Variants in ARHGAP35 observed in about 807,000 individuals in gnomAD.
The protein encoded by ARHGAP35 is rho GTPase-activating protein 35.
Under a neutral mutation model 111.1 loss-of-function variants are expected in ARHGAP35, and 15 were observed. The ratio of observed to expected loss-of-function variants is 0.13; its 90% CI spans 0.09 to 0.21. The LOEUF (loss-of-function observed/expected upper bound fraction) is 0.21. Among genes scored for constraint, ARHGAP35 ranks in the 10% least tolerant of loss-of-function variants. The pLI is 1.00. For missense variants in ARHGAP35, 1,262 were observed against 1,873.0 expected, an observed-to-expected ratio of 0.67 and a Z score of 6.02; for synonymous variants, 643 against 710.3, an observed-to-expected ratio of 0.91 and a Z score of 1.51.
At position 46,921,673 on chromosome 19, in the gene ARHGAP35, A is replaced by T. The variant is rs1161097756; in HGVS notation, c.2998A>T (p.Thr1000Ser). 1 of 1,614,008 alleles carries T rather than the reference A, an allele frequency of 6.2e-7. No homozygotes were observed. Among genetic ancestry groups the T allele is most frequent in the South Asian group, 1.1e-5 (1 of 91,076 alleles). Residue 1000 changes from threonine (T) to serine (S), a missense_variant, in exon 2 of 7, where the codon ACA becomes TCA. Thr to Ser is a moderately conservative substitution (Grantham distance 58). This residue lies in a region of ARHGAP35 where 579 missense variants were observed against 716.9 expected (regional missense o/e 0.81). Transcript: ENST00000672722. The surrounding 1 kb of genome is among the most constrained non-coding windows in gnomAD (Gnocchi z 4.3). ...ATCTTACAGCCTGTTTCGAGAAGAC[A>T]CATCACTGCCTTCTCTGTCCAAAGA... Reference protein sequence around the residue: ...EPSYSLFREDTSLPSLSKDHS... With the variant: ...EPSYSLFREDSSLPSLSKDHS...
chr19:46,959,021 C>T (rs565118474), intron 3 of ARHGAP35, among the ~76,000 whole-genome samples: 2 of 143,732 alleles, frequency 1.4e-5, no homozygotes, highest in Non-Finnish European at 3.2e-5. Context: ...TGTTTTTAAA[C>T]GAAGTACAGT....
At chr19:46,911,461 G>A (rs1269807005) in intron 1 of ARHGAP35, among the ~76,000 whole-genome samples, 3 of 152,180 alleles carry the variant, frequency 2.0e-5, no homozygotes, top group East Asian at 1.9e-4. Flanking sequence ...GTGATGGACA[G>A]TTCAGTCCTT....
intron 3 of ARHGAP35, among the ~76,000 whole-genome samples, chr19:46,952,536 G>A (rs1056045471): frequency 2.0e-5 from 3 of 152,160 alleles, no homozygotes; most frequent in East Asian, 1.9e-4. Context: ...TATCTAAAAC[G>A]AAACAAACAA....
intron 1 of ARHGAP35, among the ~76,000 whole-genome samples, chr19:46,886,992 G>A (rs1390311571): frequency 2.0e-5 from 3 of 152,140 alleles, no homozygotes; most frequent in Non-Finnish European, 2.9e-5. Flanking sequence ...TGAATTTTGA[G>A]TTTCTTTTCT....
rs988511900 is a variant in ARHGAP35, at chr19:46,942,912, G to A, written c.3826+5504G>A. On this transcript the variant is annotated intron_variant, in intron 3 of 6. Coordinates refer to ENST00000672722, the MANE Select transcript of ARHGAP35 (RefSeq NM_004491.5). ...TCATTTTAAAATTTATTCATTTGAC[G>A]TAAAACTATATGTTATAGCTGAGCT... Among the ~76,000 whole-genome samples, 27 of 151,610 alleles carry A rather than the reference G, an allele frequency of 1.8e-4. 1 individual carries two copies. Among genetic ancestry groups the A allele is most frequent in the Admixed American group, 1.2e-3 (18 of 15,216 alleles).
intron 2 of ARHGAP35, among the ~76,000 whole-genome samples, chr19:46,928,196 A>C (rs2056249518): frequency 1.3e-5 from 2 of 152,194 alleles, no homozygotes; most frequent in African/African-American, 4.8e-5. Flanking sequence ...ACTATCTTTA[A>C]CTATCTGCCT....
chr19:46,930,886 G>A (rs1414477086), intron 2 of ARHGAP35, among the ~76,000 whole-genome samples: 1 of 151,920 alleles, frequency 6.6e-6, no homozygotes, highest in African/African-American at 2.4e-5. Context: ...TATTAGCTCT[G>A]CTGCCAGTTT....
chr19:46,989,695 T>C lies in ARHGAP35; in HGVS notation c.4036+20T>C, dbSNP rs746582594. ...CACACAGTGAGTACCGGCAGCCCAG[T>C]GTTGGGCGGATTGAGGGAGAAAGGG... On this transcript the variant is annotated intron_variant, in intron 5 of 6. Coordinates refer to ENST00000672722, the MANE Select transcript of ARHGAP35 (RefSeq NM_004491.5). The surrounding 1 kb of genome is among the most constrained non-coding windows in gnomAD (Gnocchi z 5.3). The C allele has an allele frequency of 3.1e-6, 5 of 1,613,292 alleles. No homozygotes were observed. The South Asian group carries it at 5.5e-5, about 18-fold the overall frequency.
At chr19:46,872,050 A>T (rs2122121705) in intron 1 of ARHGAP35, among the ~76,000 whole-genome samples, 1 of 152,248 alleles carries the variant, frequency 6.6e-6, no homozygotes, top group Non-Finnish European at 1.5e-5. Context: ...TATACAAAAG[A>T]GATGTTAACT....
intron 3 of ARHGAP35, among the ~76,000 whole-genome samples, chr19:46,976,882 G>C (rs1434651157): frequency 6.6e-6 from 1 of 152,166 alleles, no homozygotes; most frequent in Non-Finnish European, 1.5e-5. Flanking sequence ...TCACTCACAC[G>C]CACACCTTCT....
chr19:46,879,212 C>T (rs923982546), intron 1 of ARHGAP35, among the ~76,000 whole-genome samples: 4 of 152,140 alleles, frequency 2.6e-5, no homozygotes, highest in Admixed American at 6.6e-5. Flanking sequence ...AATCCCAGCT[C>T]TTCGGAAGGC....
chr19:46,896,489 A>G (rs764759191), intron 1 of ARHGAP35, among the ~76,000 whole-genome samples: 1 of 152,272 alleles, frequency 6.6e-6, no homozygotes, highest in African/African-American at 2.4e-5. Context: ...ATCTAGGTAC[A>G]TAAGAGACTG....
In ARHGAP35 at chr19:46,989,536, C is replaced by G; in HGVS notation, c.3905-8C>G. The G allele has an allele frequency of 6.2e-7, 1 of 1,613,764 alleles. No individual in the cohort carries two copies. Among genetic ancestry groups the G allele is most frequent in the Non-Finnish European group, 8.5e-7 (1 of 1,179,758 alleles). On this transcript the variant is annotated splice_polypyrimidine_tract_variant and splice_region_variant and intron_variant, in intron 4 of 6. Coordinates refer to ENST00000672722, the MANE Select transcript of ARHGAP35 (RefSeq NM_004491.5). This position sits in a 1 kb window ranked among gnomAD's most constrained non-coding sequence, Gnocchi z 5.3. The stretch of plus-strand genomic sequence containing the variant: ...TGGTTTGGCCTCACTCTCCTGACTT[C>G]CTTTCAGACCACAACCTGGACCTGG...
intron 3 of ARHGAP35, among the ~76,000 whole-genome samples, chr19:46,959,588 CAG>C (rs922440075): frequency 6.6e-6 from 1 of 150,890 alleles, no homozygotes; most frequent in Non-Finnish European, 1.5e-5. Flanking sequence ...TTAGTAAAGA[CAG>C]GGTTTCACCA....
chr19:46,877,012 G>T (rs1046096194), intron 1 of ARHGAP35, among the ~76,000 whole-genome samples: 3 of 151,906 alleles, frequency 2.0e-5, no homozygotes, highest in Non-Finnish European at 4.4e-5. Flanking sequence ...CACTTTGGGA[G>T]GCCGAGGCGG....
chr19:46,881,168 C>CTCCTGATACATAGAAG (rs2055960666), intron 1 of ARHGAP35, among the ~76,000 whole-genome samples: 2 of 152,108 alleles, frequency 1.3e-5, no homozygotes, highest in South Asian at 4.1e-4. Context: ...TGGTCTTGAA[C>CTCCTGATACATAGAAG]TCCTGATGTA....
chr19:46,910,218 T>G (rs2056130704), intron 1 of ARHGAP35, among the ~76,000 whole-genome samples: 1 of 152,240 alleles, frequency 6.6e-6, no homozygotes, highest in Non-Finnish European at 1.5e-5. Flanking sequence ...GCTCAAGCGA[T>G]CCTCCTGCCT....
At chr19:46,863,332 G>T (rs2055839018) in intron 1 of ARHGAP35, among the ~76,000 whole-genome samples, 1 of 152,218 alleles carries the variant, frequency 6.6e-6, no homozygotes, top group African/African-American at 2.4e-5. Flanking sequence ...TGGGTAAATA[G>T]GTGGGGGTTG....
At chr19:46,905,558 C>A (rs170164) in intron 1 of ARHGAP35, among the ~76,000 whole-genome samples, 3 of 142,980 alleles carry the variant, frequency 2.1e-5, no homozygotes, top group Non-Finnish European at 4.5e-5. Context: ...GTATTCCACC[C>A]CCCCCCCCCA....
Sources: allele counts gnomAD v4.1 joint callset (sites outside exome capture counted in the v4.1 genomes callset), GRCh38; gene constraint gnomAD v4.1.1; regional missense constraint gnomAD v4.1.1; non-coding constraint Gnocchi (gnomAD v3.1); transcripts MANE v1.5; gene names NCBI Gene and HGNC (gene_info 2026-07-23, HGNC 2026-07-21).